Variants in FRK observed in about 807,000 individuals in gnomAD.
FRK encodes fyn related Src family tyrosine kinase, also known as tyrosine-protein kinase FRK.
In FRK, 51 loss-of-function variants were observed where a neutral mutation model predicts 56.4. The observed-to-expected ratio is 0.90, with a 90% CI of 0.72 to 1.14. The LOEUF (loss-of-function observed/expected upper bound fraction) is 1.14, where lower values mean the gene tolerates loss of function less well. Ranked by LOEUF, FRK falls within the 50% of genes most tolerant of loss-of-function variation. FRK has a pLI of 0.00. For synonymous variants in FRK, 245 were observed against 217.9 expected, an observed-to-expected ratio of 1.12 and a Z score of -1.10; for missense variants, 570 against 601.4, an observed-to-expected ratio of 0.95 and a Z score of 0.55.
chr6:116,039,043 G>T, intron 1 of FRK: 1 of 755,012 alleles, frequency 1.3e-6, no homozygotes, highest in Non-Finnish European at 2.5e-6. Flanking sequence ...GGCACTCAGA[G>T]AGTAGGCATG....
chr6:116,049,071 C>T (rs1186737923), intron 1 of FRK, among the ~76,000 whole-genome samples: 2 of 151,970 alleles, frequency 1.3e-5, no homozygotes, highest in Non-Finnish European at 2.9e-5. Context: ...TTCTCTATAA[C>T]TAGCTTATCT....
intron 2 of FRK, among the ~76,000 whole-genome samples, chr6:115,982,254 G>A (rs950077952): frequency 6.6e-6 from 1 of 152,214 alleles, no homozygotes; most frequent in East Asian, 1.9e-4. Flanking sequence ...TGAGTTCTAA[G>A]ACTCATACCA....
intron 4 of FRK, among the ~76,000 whole-genome samples, chr6:115,966,626 C>T (rs1310663497): frequency 1.3e-5 from 2 of 152,110 alleles, no homozygotes; most frequent in Admixed American, 1.3e-4. Flanking sequence ...TAATGCAGGT[C>T]TCCCAGAAAA....
chr6:116,028,224 G>A (rs1582731179), intron 1 of FRK, among the ~76,000 whole-genome samples: 1 of 151,980 alleles, frequency 6.6e-6, no homozygotes, highest in African/African-American at 2.4e-5. Context: ...TTTCTGACAG[G>A]AAATCACAAT....
At chr6:115,948,341 A>C (rs981319131) in intron 5 of FRK, among the ~76,000 whole-genome samples, 1 of 152,202 alleles carries the variant, frequency 6.6e-6, no homozygotes, top group Non-Finnish European at 1.5e-5. Context: ...CCTTCAGATG[A>C]CTGGGTACTT....
At chr6:116,064,804 T>C (rs544609406), upstream of FRK, among the ~76,000 whole-genome samples, 13 of 152,286 alleles carry the variant, frequency 8.5e-5, no homozygotes, top group African/African-American at 2.9e-4. Context: ...TGACTTGGAA[T>C]TCAAGGCTAA....
In FRK at chr6:115,956,475, C is replaced by G. The variant is rs753874882; in HGVS notation, c.935G>C (p.Gly312Ala). 2.7e-5 allele frequency: 42 copies of G among 1,550,706 alleles called. No homozygotes were observed. The South Asian group carries it at 5.3e-4, about 20-fold the overall frequency. Residue 312 changes from glycine (G) to alanine (A), a missense_variant, in exon 5 of 8, where the codon GGA becomes GCA. Transcript: ENST00000606080. ...IYIITELMRH[G>A]SLQEYLQNDT... is the part of the protein sequence containing the mutation. ...ACTTTGGAGATATTCTTGCAGACTT[C>G]CATGTCTCATCAACTCTGTAATAAT...
chr6:116,083,814 C>G, the FRK span, among the ~76,000 whole-genome samples: 1 of 148,800 alleles, frequency 6.7e-6, no homozygotes, highest in African/African-American at 2.4e-5. Flanking sequence ...TGGGAGCCAC[C>G]ATGCCCAGCT....
At chr6:115,975,824 T>C (rs1773971213) in intron 2 of FRK, among the ~76,000 whole-genome samples, 2 of 152,156 alleles carry the variant, frequency 1.3e-5, no homozygotes, top group South Asian at 4.1e-4. Flanking sequence ...GGAGAAATGT[T>C]TCACCTGTCA....
intron 4 of FRK, among the ~76,000 whole-genome samples, chr6:115,960,600 A>C (rs1773319490): frequency 1.7e-5 from 2 of 120,322 alleles, no homozygotes; most frequent in South Asian, 6.8e-4. Flanking sequence ...CAGGGCACAG[A>C]CAAACAAAAA....
At chr6:116,029,261 T>C (rs1240608141) in intron 1 of FRK, among the ~76,000 whole-genome samples, 1 of 152,168 alleles carries the variant, frequency 6.6e-6, no homozygotes, top group Non-Finnish European at 1.5e-5. Context: ...ATATAGTCTA[T>C]AACTTACTTC....
chr6:116,047,752 C>G (rs1031423292), intron 1 of FRK, among the ~76,000 whole-genome samples: 3 of 152,232 alleles, frequency 2.0e-5, no homozygotes, highest in African/African-American at 7.2e-5. Context: ...CATAGTCTCA[C>G]TTCCTCCTGG....
At chr6:116,098,802 GTGTT>G in the FRK span, among the ~76,000 whole-genome samples, 29 of 152,328 alleles carry the variant, frequency 1.9e-4, no homozygotes, top group African/African-American at 5.8e-4. Context: ...ATTAAACTGA[GTGTT>G]TGTATTTAAA....
chr6:115,995,385 A>T (rs1774799415), intron 2 of FRK, among the ~76,000 whole-genome samples: 1 of 152,174 alleles, frequency 6.6e-6, no homozygotes, highest in Admixed American at 6.6e-5. Context: ...GCAATTTCTC[A>T]CATGACTTAT....
chr6:115,960,345 A>G (rs536069431), intron 4 of FRK, among the ~76,000 whole-genome samples: 26 of 151,764 alleles, frequency 1.7e-4, no homozygotes, highest in African/African-American at 5.8e-4. Flanking sequence ...ACCGGCTTAA[A>G]AAACGGCGCA....
chr6:116,017,159 C>A (rs1446280870), intron 1 of FRK, among the ~76,000 whole-genome samples: 1 of 152,096 alleles, frequency 6.6e-6, no homozygotes, highest in East Asian at 1.9e-4. Flanking sequence ...GAAGAAAGAG[C>A]CCCCACCTCC....
intron 2 of FRK, among the ~76,000 whole-genome samples, chr6:115,989,158 A>G (rs1774498486): frequency 6.6e-6 from 1 of 151,958 alleles, no homozygotes; most frequent in East Asian, 1.9e-4. Context: ...GGCCAAATTG[A>G]TAATATATAC....
chr6:116,081,931 C>T, the FRK span, among the ~76,000 whole-genome samples: 1 of 151,948 alleles, frequency 6.6e-6, no homozygotes, highest in Non-Finnish European at 1.5e-5. Flanking sequence ...TAATAATAAA[C>T]AATAATCATA....
At chr6:116,017,176 C>T (rs1263715764) in intron 1 of FRK, among the ~76,000 whole-genome samples, 1 of 152,146 alleles carries the variant, frequency 6.6e-6, no homozygotes, top group Non-Finnish European at 1.5e-5. Context: ...CTCCCTACCT[C>T]CCAACACACA....
Sources: gnomAD v4.1 joint callset for allele counts (sites outside exome capture counted in the v4.1 genomes callset) on GRCh38, gnomAD v4.1.1 for gene constraint, MANE v1.5 for transcripts, NCBI Gene and HGNC (gene_info 2026-07-23, HGNC 2026-07-21) for gene names.